Variants in C2CD2 observed in about 807,000 individuals in gnomAD.
C2CD2 encodes the protein C2 domain-containing protein 2.
Under a neutral mutation model 74.3 loss-of-function variants are expected in C2CD2, and 43 were observed. The ratio of observed to expected loss-of-function variants is 0.58; its 90% confidence interval spans 0.45 to 0.75. C2CD2 has a LOEUF of 0.75. Ranked by LOEUF, C2CD2 falls within the 30% of genes least tolerant of loss-of-function variation. The probability of loss-of-function intolerance (pLI) is 0.00; values close to 1 mark genes in which losing one functional copy is unlikely to be tolerated. For missense variants in C2CD2, 801 were observed against 916.3 expected (o/e 0.87, Z 1.63); for synonymous variants, 422 against 390.7 (o/e 1.08, Z -0.94).
intron 6 of C2CD2, among the ~76,000 whole-genome samples, chr21:41,913,444 C>T (rs1050624499): frequency 6.6e-6 from 1 of 152,182 alleles, no homozygotes; most frequent in Admixed American, 6.5e-5. Flanking sequence ...CAGACCCAGA[C>T]GTGGGGACAT....
rs188111276 is a variant in C2CD2 at position 41,890,334 on chromosome 21, G to A, written c.1871-990C>T. Among the ~76,000 whole-genome samples, 10 of 152,204 alleles carry A rather than the reference G, an allele frequency of 6.6e-5. No homozygotes were observed. In the East Asian group the frequency reaches 1.9e-3, roughly 29 times the overall value. On this transcript the variant is annotated intron_variant, in intron 13 of 13. Transcript: ENST00000380486. ...ATCTCTATATACAGATATTTACCTGGCTATAGATATCCATCAGGTAGTAGA... is the reference window on the plus strand; with the variant it reads ...ATCTCTATATACAGATATTTACCTGACTATAGATATCCATCAGGTAGTAGA...
At chr21:41,902,679 A>G (rs910344352) in intron 11 of C2CD2, among the ~76,000 whole-genome samples, 9 of 152,208 alleles carry the variant, frequency 5.9e-5, no homozygotes, top group African/African-American at 2.2e-4. Flanking sequence ...CAGATGCTGC[A>G]TTTCCAAAGG....
At chr21:41,901,316 C>T in intron 12 of C2CD2, 1 of 436,280 alleles carries the variant, frequency 2.3e-6, no homozygotes, top group Non-Finnish European at 4.3e-6. Context: ...AGGTTCTGTA[C>T]CAAAGGGGAG....
intron 2 of C2CD2, among the ~76,000 whole-genome samples, chr21:41,927,753 G>A (rs917082362): frequency 2.0e-5 from 3 of 152,194 alleles, no homozygotes; most frequent in Admixed American, 2.0e-4. Flanking sequence ...ATAGGTGTGA[G>A]CCACTGTGCC....
chr21:41,938,742 CTTTTTTT>C, intron 2 of C2CD2, among the ~76,000 whole-genome samples: 1 of 139,076 alleles, frequency 7.2e-6, no homozygotes, highest in Admixed American at 7.2e-5. Flanking sequence ...CTTGCTTTCT[CTTTTTTT>C]TTTTTTTTTT....
Position 41,885,354 on chromosome 21 carries a change from G to A in C2CD2, c.*3770C>T, listed in dbSNP as rs3169. The A allele has an allele frequency of 0.25, 38,556 of 152,526 alleles. 5,617 individuals carry two copies. Among genetic ancestry groups the A allele is most frequent in the Non-Finnish European group, 0.33 (22,221 of 68,018 alleles). The allele number at this position is 152,526 out of a possible 1,614,324, so 9.4% of individuals were successfully genotyped here. ...TCTTCTCTTTTTACAATGCAGTTTC[G>A]ACATAACATTGGTAGAGTAAACAAC... On this transcript the variant is annotated 3_prime_UTR_variant, in exon 14 of 14. Transcript: ENST00000380486.
chr21:41,904,533 T>C (rs1412387311), intron 11 of C2CD2, among the ~76,000 whole-genome samples: 3 of 152,170 alleles, frequency 2.0e-5, no homozygotes, highest in Non-Finnish European at 4.4e-5. Flanking sequence ...AAGAACCCTC[T>C]CTTGGGGTCT....
At chr21:41,904,845 G>A (rs985776461) in intron 11 of C2CD2, among the ~76,000 whole-genome samples, 3 of 152,238 alleles carry the variant, frequency 2.0e-5, no homozygotes, top group Admixed American at 6.5e-5. Flanking sequence ...TTGCCCCTGA[G>A]AGCAGGTCAC....
chr21:41,901,848 C>G lies in C2CD2; in HGVS notation c.1433-99G>C, dbSNP rs997217111. The G allele has an allele frequency of 8.2e-6, 9 of 1,103,966 alleles. No individual in the cohort carries two copies. In the African/African-American group the frequency reaches 1.2e-4, roughly 15 times the overall value. The allele number at this position is 1,103,966 out of a possible 1,614,324, so 68.4% of individuals were successfully genotyped here. On this transcript the variant is annotated intron_variant, in intron 11 of 13. Coordinates refer to ENST00000380486, the MANE Select transcript of C2CD2 (RefSeq NM_015500.2). ...GAAATGGTCGATAAGCAATGGTTAG[C>G]AGATATTTTCTAAAAGGGGCCAAAG... is the stretch of plus-strand genomic sequence containing the variant.
chr21:41,926,370 G>A lies in C2CD2; in HGVS notation c.379-4285C>T. 1 of 944,494 alleles carries A rather than the reference G, an allele frequency of 1.1e-6. No individual in the cohort carries two copies. 58.5% of individuals were successfully genotyped at this position (944,494 alleles called of 1,614,324 possible). On this transcript the variant is annotated intron_variant, in intron 2 of 13. Transcript: ENST00000380486. The surrounding 1 kb of genome is among the most constrained non-coding windows in gnomAD (Gnocchi z 8.0). ...GGGGGGCTATTCACGGTAAGTCAGGGTCTCCACATGGAAAGGCCAAGGGGG... is the reference window on the plus strand; with the variant it reads ...GGGGGGCTATTCACGGTAAGTCAGGATCTCCACATGGAAAGGCCAAGGGGG...
chr21:41,912,382 G>A lies in C2CD2; in HGVS notation c.903C>T (p.Ser301=), dbSNP rs777916134. The part of the protein sequence containing the change: ...QLNDPVQRFS[S]TLTKNTPDLM... ...GGTCCGGAGTGTTTTTCGTCAGGGTGCTGGAGAACCTCTGAACAGGATCGT... is the reference window on the plus strand; with the variant it reads ...GGTCCGGAGTGTTTTTCGTCAGGGTACTGGAGAACCTCTGAACAGGATCGT... Residue 301 remains serine, a synonymous_variant, in exon 7 of 14, where the codon AGC becomes AGT. Transcript: ENST00000380486. 3.7e-6 allele frequency: 6 copies of A among 1,612,774 alleles called. No individual in the cohort carries two copies. Among genetic ancestry groups the A allele is most frequent in the Non-Finnish European group, 5.1e-6 (6 of 1,179,788 alleles).
At chr21:41,913,961 A>G (rs1231736174) in intron 6 of C2CD2, among the ~76,000 whole-genome samples, 1 of 152,094 alleles carries the variant, frequency 6.6e-6, no homozygotes, top group Non-Finnish European at 1.5e-5. Flanking sequence ...CCCACTTTCT[A>G]AGAAAGCAGA....
chr21:41,888,609 C>T lies in C2CD2; in HGVS notation c.*515G>A, dbSNP rs1445536058. On this transcript the variant is annotated 3_prime_UTR_variant, in exon 14 of 14. Coordinates refer to ENST00000380486, the MANE Select transcript of C2CD2 (RefSeq NM_015500.2). Reference sequence around the variant, plus strand: ...CCAAAATCCTGCCTATGTTCCACTTCCCTGTACTCAGGGCCAGCTGCATTT... The same window carrying T: ...CCAAAATCCTGCCTATGTTCCACTTTCCTGTACTCAGGGCCAGCTGCATTT... 1 of 165,464 alleles carries T rather than the reference C, an allele frequency of 6.0e-6. No homozygotes were observed. Among genetic ancestry groups the T allele is most frequent in the Non-Finnish European group, 1.3e-5 (1 of 74,564 alleles). 10.2% of individuals were successfully genotyped at this position (165,464 alleles called of 1,614,324 possible). A position where few individuals can be genotyped will look rare whatever the true frequency, so the allele number is the denominator to read the frequency against.
Position 41,889,237 on chromosome 21 carries a change from C to G in C2CD2, c.1978G>C (p.Glu660Gln), listed in dbSNP as rs1236664058. 4 of 1,614,034 alleles carry G rather than the reference C, an allele frequency of 2.5e-6. No homozygotes were observed. The highest frequency in any genetic ancestry group is 2.5e-6 in the Non-Finnish European group (3 of 1,180,026). Residue 660 changes from glutamate to glutamine, a missense_variant, in exon 14 of 14, where the codon GAG (glutamate) becomes CAG (glutamine). By Grantham distance (29) the Glu-to-Gln change is conservative (BLOSUM62 2). Transcript: ENST00000380486. Reference protein sequence around the residue: ...HNDLVFLEQPEGSRRKGITLT... With the variant: ...HNDLVFLEQPQGSRRKGITLT... ...GTGATGCCTTTCCTCCGGGAACCCT[C>G]TGGCTGCTCCAGGAACACAAGGTCA... is the stretch of plus-strand genomic sequence containing the variant.
At chr21:41,943,900 T>C (rs1455063846) in intron 1 of C2CD2, among the ~76,000 whole-genome samples, 1 of 152,186 alleles carries the variant, frequency 6.6e-6, no homozygotes, top group East Asian at 1.9e-4. Flanking sequence ...CTGCTGGCAT[T>C]CTCTGTGGTG....
At position 41,895,778 on chromosome 21, in the gene C2CD2, A is replaced by G. The variant is rs2064814866; in HGVS notation, c.1870+3275T>C. Among the ~76,000 whole-genome samples the G allele has an allele frequency of 6.6e-6, 1 of 152,234 alleles. No individual in the cohort carries two copies. Among genetic ancestry groups the G allele is most frequent in the South Asian group, 2.1e-4 (1 of 4,830 alleles). Reference sequence around the variant, plus strand: ...GTCTCTACAGAGTCTAACAGACATAAATAGCGAATTGAAGGTTCTGTCTTA... The same window carrying G: ...GTCTCTACAGAGTCTAACAGACATAGATAGCGAATTGAAGGTTCTGTCTTA... On this transcript the variant is annotated intron_variant, in intron 13 of 13. Coordinates refer to ENST00000380486, the MANE Select transcript of C2CD2 (RefSeq NM_015500.2). The surrounding 1 kb of genome is among the most constrained non-coding windows in gnomAD (Gnocchi z 5.0).
chr21:41,919,124 G>A, intron 3 of C2CD2, 164 bp from the exon 4 acceptor site: 1 of 626,708 alleles, frequency 1.6e-6, no homozygotes, highest in South Asian at 1.9e-5. Context: ...GTATGCGCAT[G>A]TGTGCATATG....
At chr21:41,890,384 G>C (rs539541218) in intron 13 of C2CD2, among the ~76,000 whole-genome samples, 1 of 152,310 alleles carries the variant, frequency 6.6e-6, no homozygotes, top group Middle Eastern at 3.4e-3. Flanking sequence ...AAAATTAGCA[G>C]CAGCAGCAAC....
chr21:41,940,702 T>A (rs928594439), intron 2 of C2CD2, among the ~76,000 whole-genome samples: 1 of 152,244 alleles, frequency 6.6e-6, no homozygotes, highest in Non-Finnish European at 1.5e-5. Flanking sequence ...CTTTCCAAAA[T>A]AGATTCTTTA....
Sources: allele counts gnomAD v4.1 joint callset (sites outside exome capture counted in the v4.1 genomes callset), GRCh38; gene constraint gnomAD v4.1.1; non-coding constraint Gnocchi (gnomAD v3.1); transcripts MANE v1.5; gene names NCBI Gene and HGNC (gene_info 2026-07-23, HGNC 2026-07-21).